Variants in MAGI1 observed in about 807,000 individuals in gnomAD.
MAGI1 encodes membrane-associated guanylate kinase, WW and PDZ domain-containing protein 1.
A neutral mutation model predicts 139.9 loss-of-function variants in MAGI1; 58 were observed. The observed-to-expected ratio is 0.41, with a 90% confidence interval of 0.34 to 0.52. The LOEUF (loss-of-function observed/expected upper bound fraction) is 0.52, where lower values mean the gene tolerates loss of function less well. MAGI1 is among the 20% of genes least tolerant of loss of function. The probability of loss-of-function intolerance (pLI) is 0.12; values close to 1 mark genes in which losing one functional copy is unlikely to be tolerated. For synonymous variants in MAGI1, 812 were observed against 737.9 expected (o/e 1.10, Z -1.63); for missense variants, 1,874 against 1,901.6 (o/e 0.99, Z 0.27).
intron 1 of MAGI1, among the ~76,000 whole-genome samples, chr3:65,838,756 G>A (rs1240595517): frequency 6.6e-6 from 1 of 152,182 alleles, no homozygotes; most frequent in Non-Finnish European, 1.5e-5. Context: ...GAATATGACT[G>A]GGGTCCTGTT....
intron 10 of MAGI1, among the ~76,000 whole-genome samples, chr3:65,436,831 G>T (rs956650404): frequency 2.0e-5 from 3 of 151,934 alleles, no homozygotes; most frequent in Non-Finnish European, 4.4e-5. Flanking sequence ...ATCTCACAAT[G>T]CCCAGGACAA....
At chr3:65,531,843 G>C (rs2078727627) in intron 2 of MAGI1, among the ~76,000 whole-genome samples, 1 of 152,158 alleles carries the variant, frequency 6.6e-6, no homozygotes, top group Non-Finnish European at 1.5e-5. Context: ...TTATTATACA[G>C]ATTAAAAGAG....
At chr3:65,583,635 G>A (rs1390259446) in intron 2 of MAGI1, among the ~76,000 whole-genome samples, 2 of 151,980 alleles carry the variant, frequency 1.3e-5, no homozygotes, top group Non-Finnish European at 2.9e-5. Context: ...GTTGAAAGCA[G>A]GAGAAAGTTC....
intron 15 of MAGI1, 59 bp from the exon 16 acceptor site, chr3:65,382,128 A>G (rs1943099309): frequency 6.6e-6 from 9 of 1,362,516 alleles, no homozygotes; most frequent in East Asian, 4.6e-5. Context: ...TGTTACATCA[A>G]TAGCCTTCAC....
intron 1 of MAGI1, among the ~76,000 whole-genome samples, chr3:65,822,560 AAAG>A (rs1049123053): frequency 1.3e-5 from 2 of 152,148 alleles, no homozygotes; most frequent in African/African-American, 4.8e-5. Context: ...AAATAAATAA[AAAG>A]AAATACCTGA....
At chr3:65,374,686 T>C (rs911754116) in intron 18 of MAGI1, among the ~76,000 whole-genome samples, 2 of 152,178 alleles carry the variant, frequency 1.3e-5, no homozygotes, top group African/African-American at 2.4e-5. Context: ...TAACTTTTTA[T>C]TGTGAGGGCT....
At chr3:65,875,627 C>G (rs1380054872) in intron 1 of MAGI1, among the ~76,000 whole-genome samples, 1 of 152,138 alleles carries the variant, frequency 6.6e-6, no homozygotes. Context: ...CTTATCTCCT[C>G]CAGGCCTCTC....
chr3:65,924,726 G>A (rs1461179329), intron 1 of MAGI1, among the ~76,000 whole-genome samples: 3 of 152,060 alleles, frequency 2.0e-5, no homozygotes, highest in South Asian at 2.1e-4. Context: ...ACTGCCCCTC[G>A]CTGCTCCATG....
intron 22 of MAGI1, chr3:65,360,365 T>C: frequency 3.1e-6 from 3 of 978,954 alleles, no homozygotes; most frequent in Non-Finnish European, 3.6e-6. Flanking sequence ...TTTTTTTTTT[T>C]TTTAATTTTA....
intron 3 of MAGI1, among the ~76,000 whole-genome samples, chr3:65,488,893 G>A (rs573482105): frequency 7.3e-5 from 11 of 150,472 alleles, no homozygotes; most frequent in African/African-American, 1.7e-4. Flanking sequence ...GGCTGGTCGC[G>A]AGCTCCTGAG....
chr3:65,686,710 G>A (rs568257700), intron 1 of MAGI1, among the ~76,000 whole-genome samples: 76 of 152,340 alleles, frequency 5.0e-4, no homozygotes, highest in African/African-American at 1.8e-3. Flanking sequence ...CATGACTTAG[G>A]ACTGTCTCAG....
At chr3:65,965,589 G>A (rs1386236782) in intron 1 of MAGI1, among the ~76,000 whole-genome samples, 4 of 151,870 alleles carry the variant, frequency 2.6e-5, no homozygotes, top group African/African-American at 9.7e-5. Context: ...TGGAAGAGGA[G>A]GAAAGGAATG....
intron 1 of MAGI1, among the ~76,000 whole-genome samples, chr3:65,781,207 G>C (rs2038905352): frequency 6.7e-6 from 1 of 149,420 alleles, no homozygotes; most frequent in Non-Finnish European, 1.5e-5. Flanking sequence ...AAAAAAAAAA[G>C]AACAAAATTT....
Position 65,899,206 on chromosome 3 carries a change from C to G in MAGI1, c.313+138790G>C, listed in dbSNP as rs368650238. ...TGCTGGTATTACAGGTGTGACCCAC[C>G]ACGCCCAGCCTAAAGGTGTTTTAAG... On this transcript the variant is annotated intron_variant, in intron 1 of 22. Transcript: ENST00000402939. Among the ~76,000 whole-genome samples, 7 of 152,278 alleles carry G rather than the reference C, an allele frequency of 4.6e-5. No individual in the cohort carries two copies. The East Asian group carries it at 1.4e-3, about 29-fold the overall frequency.
At chr3:65,931,736 C>T (rs1258005458) in intron 1 of MAGI1, among the ~76,000 whole-genome samples, 1 of 152,152 alleles carries the variant, frequency 6.6e-6, no homozygotes, top group African/African-American at 2.4e-5. Context: ...AAAAACAGTT[C>T]CGCTATTATT....
At chr3:65,376,661 T>A in intron 17 of MAGI1, among the ~76,000 whole-genome samples, 1 of 152,230 alleles carries the variant, frequency 6.6e-6, no homozygotes, top group East Asian at 1.9e-4. Context: ...GTGGCCTGAC[T>A]GGTTCATTAG....
intron 1 of MAGI1, among the ~76,000 whole-genome samples, chr3:65,634,703 T>C (rs893257139): frequency 3.3e-5 from 5 of 152,170 alleles, no homozygotes; most frequent in Non-Finnish European, 5.9e-5. Flanking sequence ...CAATGCAGTG[T>C]GTAAGCTTGA....
intron 1 of MAGI1, among the ~76,000 whole-genome samples, chr3:65,776,170 C>G (rs1315270704): frequency 6.6e-6 from 1 of 151,534 alleles, no homozygotes; most frequent in Admixed American, 6.6e-5. Context: ...ATAGGTGGTG[C>G]AGAAAGTATT....
At chr3:65,365,215 A>G (rs753773626) in intron 18 of MAGI1, 1 of 642,688 alleles carries the variant, frequency 1.6e-6, no homozygotes, top group Non-Finnish European at 2.9e-6. Flanking sequence ...ACACTGCTCT[A>G]AAATTCTAGC....
Sources: gnomAD v4.1 joint callset for allele counts (sites outside exome capture counted in the v4.1 genomes callset) on GRCh38, gnomAD v4.1.1 for gene constraint, MANE v1.5 for transcripts, NCBI Gene and HGNC (gene_info 2026-07-23, HGNC 2026-07-21) for gene names.